Variants in C1orf87 observed in about 807,000 individuals in gnomAD.
C1orf87 encodes uncharacterized protein C1orf87.
In C1orf87, 58 loss-of-function variants were observed where a neutral mutation model predicts 60.5. That is an observed-to-expected ratio of 0.96 (90% CI 0.78 to 1.19). The LOEUF (loss-of-function observed/expected upper bound fraction) is 1.19. C1orf87 is among the 50% of genes most tolerant of loss of function. The pLI, the probability that C1orf87 is intolerant of heterozygous loss-of-function variation, is 0.00. For synonymous variants in C1orf87, 236 were observed against 227.4 expected (o/e 1.04, Z -0.34); for missense variants, 673 against 638.6 (o/e 1.05, Z -0.58).
intron 2 of C1orf87, among the ~76,000 whole-genome samples, chr1:60,061,884 C>T (rs1645499423): frequency 6.6e-6 from 1 of 150,966 alleles, no homozygotes; most frequent in Admixed American, 6.6e-5. Context: ...CCAGGAGTTC[C>T]AGGCTGCAAT....
At chr1:60,028,162 T>C (rs1373244209) in intron 7 of C1orf87, among the ~76,000 whole-genome samples, 1 of 152,186 alleles carries the variant, frequency 6.6e-6, no homozygotes, top group East Asian at 1.9e-4. Context: ...TTGGTCACAC[T>C]AGGCCATTTT....
At chr1:60,036,277 T>C (rs1045567897) in intron 6 of C1orf87, among the ~76,000 whole-genome samples, 1 of 152,188 alleles carries the variant, frequency 6.6e-6, no homozygotes, top group Non-Finnish European at 1.5e-5. Flanking sequence ...GTTGAAGTTA[T>C]CACAGTGAAA....
At chr1:60,062,594 A>AC (rs1207728702) in intron 2 of C1orf87, among the ~76,000 whole-genome samples, 1 of 151,920 alleles carries the variant, frequency 6.6e-6, no homozygotes, top group Non-Finnish European at 1.5e-5. Context: ...GGTTGAATAT[A>AC]CCCCCACATA....
intron 10 of C1orf87, 85 bp from the exon 11 acceptor site, chr1:59,997,901 A>G: frequency 3.1e-6 from 4 of 1,289,156 alleles, no homozygotes; most frequent in Non-Finnish European, 4.3e-6. Flanking sequence ...CCACACAACT[A>G]GCAAGATTTA....
intron 7 of C1orf87, among the ~76,000 whole-genome samples, chr1:60,030,092 G>C (rs1025614585): frequency 6.6e-6 from 1 of 152,164 alleles, no homozygotes; most frequent in Non-Finnish European, 1.5e-5. Context: ...GAATTGTGAT[G>C]ACGTATTTAA....
chr1:60,063,305 C>T (rs1003572595), intron 2 of C1orf87, among the ~76,000 whole-genome samples: 3 of 152,088 alleles, frequency 2.0e-5, no homozygotes, highest in African/African-American at 7.2e-5. Context: ...TTTATCCATA[C>T]TTTATGTATG....
intron 8 of C1orf87, among the ~76,000 whole-genome samples, chr1:60,016,297 T>C (rs1334219724): frequency 6.6e-6 from 1 of 152,182 alleles, no homozygotes; most frequent in Non-Finnish European, 1.5e-5. Flanking sequence ...TGTGTAGCCA[T>C]GTAGAGCATC....
chr1:60,038,504 G>T (rs889194241), intron 5 of C1orf87, among the ~76,000 whole-genome samples: 9 of 151,784 alleles, frequency 5.9e-5, no homozygotes, highest in African/African-American at 1.9e-4. Flanking sequence ...GTGTTAAGAA[G>T]AACTATGGCT....
intron 8 of C1orf87, among the ~76,000 whole-genome samples, chr1:60,023,920 G>A (rs995464641): frequency 2.6e-5 from 4 of 152,042 alleles, no homozygotes; most frequent in African/African-American, 7.2e-5. Flanking sequence ...ATTACACTGG[G>A]GTTACATGTT....
chr1:59,997,180 T>G (rs563992227), intron 11 of C1orf87, among the ~76,000 whole-genome samples: 1 of 152,168 alleles, frequency 6.6e-6, no homozygotes, highest in African/African-American at 2.4e-5. Context: ...AAGGCCTGCT[T>G]GAGGCAAGGC....
chr1:60,065,077 T>TATAATAATATATAAAATATA (rs1645536051), intron 2 of C1orf87, among the ~76,000 whole-genome samples: 1 of 84,184 alleles, frequency 1.2e-5, no homozygotes, highest in African/African-American at 4.3e-5. Flanking sequence ...TATATATATC[T>TATAATAATATATAAAATATA]TATTTGTTCT....
chr1:60,025,926 T>C (rs1421683393), intron 7 of C1orf87, among the ~76,000 whole-genome samples: 3 of 152,186 alleles, frequency 2.0e-5, no homozygotes, highest in Admixed American at 6.5e-5. Flanking sequence ...ACTATCTACA[T>C]TTTATATATG....
At chr1:60,040,275 A>G in intron 4 of C1orf87, 95 bp from the exon 5 acceptor site, 1 of 1,473,256 alleles carries the variant, frequency 6.8e-7, no homozygotes, top group Middle Eastern at 1.9e-4. Flanking sequence ...CTGGTATCTG[A>G]GTGTCCACTC....
At chr1:60,052,074 T>C (rs1378010560) in intron 3 of C1orf87, among the ~76,000 whole-genome samples, 1 of 152,190 alleles carries the variant, frequency 6.6e-6, no homozygotes, top group Non-Finnish European at 1.5e-5. Flanking sequence ...CATGTGCCTT[T>C]ACCTACCTTG....
intron 2 of C1orf87, among the ~76,000 whole-genome samples, chr1:60,062,557 T>A (rs1384720298): frequency 6.6e-6 from 1 of 152,226 alleles, no homozygotes; most frequent in Non-Finnish European, 1.5e-5. Context: ...GTCTCATTAC[T>A]GTTTACATTT....
intron 9 of C1orf87, among the ~76,000 whole-genome samples, chr1:60,003,098 T>A (rs1374212376): frequency 1.4e-5 from 2 of 147,734 alleles, no homozygotes; most frequent in African/African-American, 5.0e-5. Flanking sequence ...TAGACTGGAT[T>A]AAGAAAATGT....
intron 6 of C1orf87, among the ~76,000 whole-genome samples, chr1:60,036,986 T>C (rs2100291446): frequency 6.6e-6 from 1 of 152,324 alleles, no homozygotes; most frequent in African/African-American, 2.4e-5. Flanking sequence ...AATGAGGTTT[T>C]TCATTTTCAC....
intron 8 of C1orf87, 140 bp downstream of exon 8, chr1:60,025,261 C>A: frequency 1.7e-6 from 1 of 603,794 alleles, no homozygotes; most frequent in East Asian, 3.0e-5. Context: ...GGGGGTTTCA[C>A]CTTTATGACA....
At chr1:59,999,396 C>A (rs1005394794) in intron 10 of C1orf87, among the ~76,000 whole-genome samples, 4 of 152,112 alleles carry the variant, frequency 2.6e-5, no homozygotes, top group Non-Finnish European at 4.4e-5. Flanking sequence ...CATTGGACTA[C>A]TTTAGAAATC....
Sources: gnomAD v4.1 joint callset for allele counts (sites outside exome capture counted in the v4.1 genomes callset) on GRCh38, gnomAD v4.1.1 for gene constraint, MANE v1.5 for transcripts, NCBI Gene and HGNC (gene_info 2026-07-23, HGNC 2026-07-21) for gene names.